The following BACH2 variants were observed in gnomAD, a reference collection of about 807,000 sequenced individuals.
BACH2 encodes BACH transcriptional regulator 2, also known as transcription regulator protein BACH2.
In BACH2, 5 loss-of-function variants were observed where a neutral mutation model predicts 61.8. The observed-to-expected ratio is 0.08, with a 90% CI of 0.04 to 0.17. The LOEUF (loss-of-function observed/expected upper bound fraction) is 0.17. Among genes scored for constraint, BACH2 ranks in the 10% least tolerant of loss-of-function variants. The pLI is 1.00. For missense variants in BACH2, 824 were observed against 1,091.1 expected (o/e 0.76, Z 3.45); for synonymous variants, 446 against 440.1 (o/e 1.01, Z -0.17).
rs141998034 is a variant in BACH2, at chr6:90,246,781, A to G, written c.-275+5732T>C. Among the ~76,000 whole-genome samples, 964 of 152,324 alleles carry G rather than the reference A, an allele frequency of 6.3e-3. 9 individuals carry two copies. Among genetic ancestry groups the G allele is most frequent in the Non-Finnish European group, 9.0e-3 (613 of 68,022 alleles). ...AATCATATTTCAAAACAAATTTTCTAGGAACACAGATACTCCATAAAGCAG... is the reference window on the plus strand; with the variant it reads ...AATCATATTTCAAAACAAATTTTCTGGGAACACAGATACTCCATAAAGCAG... On this transcript the variant is annotated intron_variant, in intron 3 of 8. Transcript: ENST00000257749.
intron 4 of BACH2, among the ~76,000 whole-genome samples, chr6:90,100,730 C>CAG (rs1782589969): frequency 6.7e-6 from 1 of 150,128 alleles, no homozygotes; most frequent in Admixed American, 6.6e-5. Flanking sequence ...CACACACAGA[C>CAG]ACACACACAC....
intron 3 of BACH2, among the ~76,000 whole-genome samples, chr6:90,247,105 T>C (rs935088879): frequency 1.3e-5 from 2 of 152,332 alleles, no homozygotes; most frequent in Middle Eastern, 3.4e-3. Context: ...ATTATTGACC[T>C]GCATACTAAC....
intron 4 of BACH2, among the ~76,000 whole-genome samples, chr6:90,144,849 G>A (rs1023789822): frequency 1.3e-5 from 2 of 152,146 alleles, no homozygotes; most frequent in African/African-American, 4.8e-5. Context: ...ATCCCAGAGA[G>A]CGATCATCCG....
chr6:89,932,402 G>C lies in BACH2; in HGVS notation c.*6C>G. On this transcript the variant is annotated 3_prime_UTR_variant, in exon 9 of 9. Transcript: ENST00000257749. ...GGTGTGCGGACTGGGAGGCAGAGCC[G>C]AGTCACTAGGTATAATCTTTCCTGG... The C allele has an allele frequency of 6.2e-7, 1 of 1,603,302 alleles. No individual in the cohort carries two copies. The highest frequency in any genetic ancestry group is 1.1e-5 in the South Asian group (1 of 90,878).
chr6:90,283,893 G>A (rs1771936789), intron 1 of BACH2, among the ~76,000 whole-genome samples: 1 of 151,944 alleles, frequency 6.6e-6, no homozygotes, highest in African/African-American at 2.4e-5. Flanking sequence ...CTGTAGTCCA[G>A]CTACTCAGGA....
At chr6:90,178,279 C>CTAAGATGACA (rs1768044635) in intron 4 of BACH2, among the ~76,000 whole-genome samples, 1 of 152,138 alleles carries the variant, frequency 6.6e-6, no homozygotes, top group Non-Finnish European at 1.5e-5. Context: ...TCACTATTAC[C>CTAAGATGACA]TAAGATGACA....
At chr6:90,190,104 C>T (rs956662483) in intron 4 of BACH2, among the ~76,000 whole-genome samples, 3 of 152,150 alleles carry the variant, frequency 2.0e-5, no homozygotes, top group East Asian at 3.9e-4. Flanking sequence ...CCACCACACT[C>T]GTCTAACTTT....
chr6:90,093,538 A>G (rs1782259990), intron 4 of BACH2, among the ~76,000 whole-genome samples: 1 of 152,328 alleles, frequency 6.6e-6, no homozygotes, highest in East Asian at 1.9e-4. Context: ...GAGGAACTGA[A>G]TTTTTAACTT....
At chr6:90,199,298 T>C (rs757963676) in intron 4 of BACH2, among the ~76,000 whole-genome samples, 12 of 152,188 alleles carry the variant, frequency 7.9e-5, no homozygotes, top group Non-Finnish European at 1.6e-4. Context: ...GAGATGGGAC[T>C]GACGTAGAAG....
Position 90,296,586 on chromosome 6 carries a change from A to C in BACH2, c.-552T>G, listed in dbSNP as rs1772402571. The stretch of plus-strand genomic sequence containing the variant: ...AGGTGGGCAGTTCGTGGGTCACCGA[A>C]AGCTCGCGGAGGGGACGCGCATCAC... On this transcript the variant is annotated 5_prime_UTR_variant, in exon 1 of 9. Coordinates refer to ENST00000257749, the MANE Select transcript of BACH2 (RefSeq NM_021813.4). The C allele has an allele frequency of 6.6e-6, 1 of 151,768 alleles. No individual in the cohort carries two copies. The highest frequency in any genetic ancestry group is 6.6e-5 in the Admixed American group (1 of 15,232). 9.4% of individuals were successfully genotyped at this position (151,768 alleles called of 1,614,324 possible).
At chr6:90,161,578 T>C (rs1785193277) in intron 4 of BACH2, among the ~76,000 whole-genome samples, 1 of 152,212 alleles carries the variant, frequency 6.6e-6, no homozygotes. Context: ...CAAAGCATCA[T>C]GATTAGGCAT....
intron 4 of BACH2, among the ~76,000 whole-genome samples, chr6:90,116,516 T>C (rs1341822862): frequency 2.6e-5 from 4 of 151,952 alleles, no homozygotes; most frequent in Admixed American, 2.6e-4. Flanking sequence ...GGAGAGAAAG[T>C]AGCATAACTG....
intron 4 of BACH2, among the ~76,000 whole-genome samples, chr6:90,123,965 C>T (rs571959692): frequency 2.0e-5 from 3 of 152,186 alleles, no homozygotes; most frequent in South Asian, 4.1e-4. Flanking sequence ...TGAAGAAACC[C>T]GATGGCTGCA....
intron 5 of BACH2, among the ~76,000 whole-genome samples, chr6:90,081,413 C>T (rs577472851): frequency 2.6e-5 from 4 of 152,308 alleles, no homozygotes; most frequent in Admixed American, 6.5e-5. Flanking sequence ...CTTCCCCACA[C>T]CCGTAACCAA....
At chr6:90,101,924 G>T (rs1782645009) in intron 4 of BACH2, among the ~76,000 whole-genome samples, 9 of 152,098 alleles carry the variant, frequency 5.9e-5, no homozygotes, top group Admixed American at 5.9e-4. Context: ...CTATGTAAAT[G>T]GAATTGTTTT....
At chr6:90,097,802 C>G in intron 4 of BACH2, among the ~76,000 whole-genome samples, 1 of 152,088 alleles carries the variant, frequency 6.6e-6, no homozygotes, top group Non-Finnish European at 1.5e-5. Context: ...TTTTCTAAAA[C>G]TATACATCCA....
At chr6:90,097,509 C>G (rs1425977127) in intron 4 of BACH2, among the ~76,000 whole-genome samples, 2 of 152,136 alleles carry the variant, frequency 1.3e-5, no homozygotes, top group Non-Finnish European at 1.5e-5. Flanking sequence ...ATGAGCACTT[C>G]TACCCCATAC....
At chr6:90,259,832 GGCCACCC>G (rs1562530525) in intron 2 of BACH2, among the ~76,000 whole-genome samples, 1 of 151,700 alleles carries the variant, frequency 6.6e-6, no homozygotes, top group Admixed American at 6.6e-5. Flanking sequence ...GTTTCCTCTA[GGCCACCC>G]AATTTGTTGG....
chr6:90,161,195 G>C (rs758707622), intron 4 of BACH2, among the ~76,000 whole-genome samples: 1 of 151,608 alleles, frequency 6.6e-6, no homozygotes, highest in Non-Finnish European at 1.5e-5. Flanking sequence ...TATACTTTTA[G>C]GCACTGTGCC....
Sources: allele counts gnomAD v4.1 joint callset (sites outside exome capture counted in the v4.1 genomes callset), GRCh38; gene constraint gnomAD v4.1.1; transcripts MANE v1.5; gene names NCBI Gene and HGNC (gene_info 2026-07-23, HGNC 2026-07-21).